Variants in JPH1 observed in about 807,000 individuals in gnomAD.
The protein encoded by JPH1 is junctophilin 1.
In JPH1, 12 loss-of-function variants were observed where a neutral mutation model predicts 53.6. The observed-to-expected ratio is 0.22, with a 90% CI of 0.14 to 0.36. JPH1 has a LOEUF of 0.36. Among genes scored for constraint, JPH1 ranks in the 10% least tolerant of loss-of-function variants. JPH1 has a pLI of 1.00. For missense variants in JPH1, 808 were observed against 905.5 expected, an observed-to-expected ratio of 0.89 and a Z score of 1.38; for synonymous variants, 375 against 363.8, an observed-to-expected ratio of 1.03 and a Z score of -0.35.
At chr8:74,270,313 C>T (rs1257706851) in intron 2 of JPH1, among the ~76,000 whole-genome samples, 1 of 152,208 alleles carries the variant, frequency 6.6e-6, no homozygotes, top group East Asian at 1.9e-4. Context: ...AAGGAAATAT[C>T]AGAACATCAT....
chr8:74,236,119 T>C lies in JPH1; in HGVS notation c.*932A>G, dbSNP rs2131370027. ...GTTTCAGCTTTTAAAATTTAGCACT[T>C]CCTAAGTGCATAAATAATTCACCTC... On this transcript the variant is annotated 3_prime_UTR_variant, in exon 6 of 6. Transcript: ENST00000342232. The C allele has an allele frequency of 6.6e-6, 1 of 152,340 alleles. No homozygotes were observed. Among genetic ancestry groups the C allele is most frequent in the Admixed American group, 6.5e-5 (1 of 15,294 alleles). The allele number at this position is 152,340 out of a possible 1,614,324, so 9.4% of individuals were successfully genotyped here.
At position 74,284,025 on chromosome 8, in the gene JPH1, A is replaced by G. The variant is rs1049381030; in HGVS notation, c.1140-24522T>C. Among the ~76,000 whole-genome samples the G allele has an allele frequency of 2.6e-5, 4 of 152,002 alleles. 1 individual carries two copies. In the South Asian group the frequency reaches 8.3e-4, roughly 32 times the overall value. On this transcript the variant is annotated intron_variant, in intron 2 of 5. Transcript: ENST00000342232. ...ATTCAAGGGGTGGCAGTGATTGCAA[A>G]TTTCCTTCCCTTGGACCCAGGAGTC...
At chr8:74,263,380 G>A (rs891465714) in intron 2 of JPH1, among the ~76,000 whole-genome samples, 6 of 152,158 alleles carry the variant, frequency 3.9e-5, no homozygotes, top group African/African-American at 9.7e-5. Flanking sequence ...CAGCAGAGGC[G>A]ATAACCTAAT....
chr8:74,300,923 C>A (rs1405463506), intron 2 of JPH1, among the ~76,000 whole-genome samples: 1 of 152,144 alleles, frequency 6.6e-6, no homozygotes, highest in African/African-American at 2.4e-5. Flanking sequence ...AATGATGGAG[C>A]CTTACTGGCC....
intron 3 of JPH1, among the ~76,000 whole-genome samples, chr8:74,251,708 G>GT (rs773089957): frequency 6.6e-6 from 1 of 151,920 alleles, no homozygotes; most frequent in Non-Finnish European, 1.5e-5. Context: ...AAGAGGCTAT[G>GT]TTTTTTCTTT....
Position 74,269,231 on chromosome 8 carries a change from T to C in JPH1, c.1140-9728A>G, listed in dbSNP as rs530126279. ...CTTCTGATGCCGAACAGTATGAACA[T>C]GAACTTGCTTGGGACTGTGCCCAAA... On this transcript the variant is annotated intron_variant, in intron 2 of 5. Coordinates refer to ENST00000342232, the MANE Select transcript of JPH1 (RefSeq NM_020647.4). 2.2e-4 allele frequency among the ~76,000 whole-genome samples: 33 copies of C among 152,360 alleles called. 1 individual carries two copies. The South Asian group carries it at 6.6e-3, about 31-fold the overall frequency.
chr8:74,249,186 G>C (rs931683563), intron 3 of JPH1, among the ~76,000 whole-genome samples: 14 of 152,330 alleles, frequency 9.2e-5, no homozygotes, highest in Middle Eastern at 6.8e-3. Context: ...GTGAGCCTCG[G>C]TGGGCTGGCT....
intron 2 of JPH1, among the ~76,000 whole-genome samples, chr8:74,278,689 A>G (rs1806919138): frequency 6.6e-6 from 1 of 152,216 alleles, no homozygotes; most frequent in African/African-American, 2.4e-5. Flanking sequence ...AAATGCTACC[A>G]GAAACAGTAA....
chr8:74,250,427 C>G (rs1806012002), intron 3 of JPH1, among the ~76,000 whole-genome samples: 1 of 152,186 alleles, frequency 6.6e-6, no homozygotes. Context: ...GCCACTGTGC[C>G]TAGCCTAAAA....
At chr8:74,262,067 G>A (rs1185747420) in intron 2 of JPH1, among the ~76,000 whole-genome samples, 1 of 152,142 alleles carries the variant, frequency 6.6e-6, no homozygotes, top group Non-Finnish European at 1.5e-5. Context: ...AGACCACACA[G>A]CAAAGGAGGA....
In JPH1 at chr8:74,320,915, C is replaced by A. The variant is rs781673314; in HGVS notation, c.373G>T (p.Asp125Tyr). 2 of 1,558,190 alleles carry A rather than the reference C, an allele frequency of 1.3e-6. No individual in the cohort carries two copies. The highest frequency in any genetic ancestry group is 1.4e-5 in the African/African-American group (1 of 72,432). The change falls in exon 1 of 6, where the codon GAC becomes TAC. Residue 125 changes from aspartate to tyrosine, a missense_variant. Transcript: ENST00000342232. This position sits in a 1 kb window ranked among gnomAD's most constrained non-coding sequence, Gnocchi z 4.4. ...QDGYGVETYG[D>Y]GGTYQGQWAG... is the part of the protein sequence containing the mutation. ...CGCCCGTTACGCCGCTCACCTCCGT[C>A]CCCGTAGGTCTCCACGCCGTACCCG...
chr8:74,313,852 A>T (rs1442795123), intron 2 of JPH1, among the ~76,000 whole-genome samples: 1 of 152,220 alleles, frequency 6.6e-6, no homozygotes, highest in East Asian at 1.9e-4. Flanking sequence ...TCACTTAAAT[A>T]AGACTAAAAA....
chr8:74,270,348 A>G (rs1304829079), intron 2 of JPH1, among the ~76,000 whole-genome samples: 6 of 152,202 alleles, frequency 3.9e-5, no homozygotes, highest in Non-Finnish European at 7.3e-5. Flanking sequence ...ATTCTTAAGA[A>G]GTTTTCTTAT....
At chr8:74,287,194 G>A (rs1807187490) in intron 2 of JPH1, among the ~76,000 whole-genome samples, 1 of 152,178 alleles carries the variant, frequency 6.6e-6, no homozygotes, top group South Asian at 2.1e-4. Flanking sequence ...CACTTTGGGA[G>A]GCTGAGGCGG....
intron 2 of JPH1, among the ~76,000 whole-genome samples, chr8:74,305,441 C>G (rs560413139): frequency 6.6e-6 from 1 of 152,342 alleles, no homozygotes; most frequent in East Asian, 1.9e-4. Flanking sequence ...TTCCAGAAAA[C>G]ATAGGAGTAG....
intron 2 of JPH1, among the ~76,000 whole-genome samples, chr8:74,266,831 C>A (rs1224309963): frequency 6.6e-6 from 1 of 152,140 alleles, no homozygotes; most frequent in Non-Finnish European, 1.5e-5. Context: ...CAACCCAGCC[C>A]TGGCATGCTA....
intron 2 of JPH1, among the ~76,000 whole-genome samples, chr8:74,262,841 G>A (rs202201994): frequency 1.3e-4 from 20 of 152,198 alleles, no homozygotes; most frequent in South Asian, 2.1e-4. Flanking sequence ...TAAGCTCTGC[G>A]GAGGTCAACT....
chr8:74,237,968 A>G (rs1026733547), intron 4 of JPH1, among the ~76,000 whole-genome samples: 2 of 152,240 alleles, frequency 1.3e-5, no homozygotes, highest in African/African-American at 4.8e-5. Flanking sequence ...TTTGATAAAT[A>G]TCATTATAAT....
intron 2 of JPH1, 119 bp from the exon 3 acceptor site, chr8:74,259,622 A>G: frequency 1.4e-6 from 1 of 734,256 alleles, no homozygotes; most frequent in Non-Finnish European, 2.1e-6. Flanking sequence ...GACACCCACA[A>G]GAGCAAAAAT....
Sources: gnomAD v4.1 joint callset for allele counts (sites outside exome capture counted in the v4.1 genomes callset) on GRCh38, gnomAD v4.1.1 for gene constraint, Gnocchi (gnomAD v3.1) non-coding constraint, MANE v1.5 for transcripts, NCBI Gene and HGNC (gene_info 2026-07-23, HGNC 2026-07-21) for gene names.